The following CACTIN variants were observed in gnomAD, a reference collection of about 807,000 sequenced individuals.
The protein encoded by CACTIN is splicing factor Cactin.
Under a neutral mutation model 84.9 loss-of-function variants are expected in CACTIN, and 20 were observed. The ratio of observed to expected loss-of-function variants is 0.24; its 90% CI spans 0.17 to 0.34. The LOEUF is 0.34. Ranked by LOEUF, CACTIN falls within the 10% of genes least tolerant of loss-of-function variation. The probability of loss-of-function intolerance (pLI) is 1.00; values close to 1 mark genes in which losing one functional copy is unlikely to be tolerated. For synonymous variants in CACTIN, 549 were observed against 467.9 expected (o/e 1.17, Z -2.24); for missense variants, 897 against 1,117.2 (o/e 0.80, Z 2.81).
Position 3,612,025 on chromosome 19 carries a change from G to A in CACTIN, c.2175C>T (p.Asn725=). Residue 725 remains asparagine (N), a synonymous_variant, in exon 10 of 10, where the codon AAC becomes AAT. Coordinates refer to ENST00000429344, the MANE Select transcript of CACTIN (RefSeq NM_001080543.2). ...PYEDIAFKIV[N]REWEYSHRHG... The stretch of plus-strand genomic sequence containing the variant: ...GGCGGTGCGAGTATTCCCACTCGCG[G>A]TTGACGATCTTGAAAGCGATGTCCT... 6.2e-7 allele frequency: 1 copy of A among 1,613,746 alleles called. No homozygotes were observed. Among genetic ancestry groups the A allele is most frequent in the East Asian group, 2.2e-5 (1 of 44,894 alleles).
In CACTIN at chr19:3,620,599, C is replaced by G. The variant is rs980975698; in HGVS notation, c.738+108G>C. Reference sequence around the variant, plus strand: ...CCCCTGGATCCAGCCTTACCTGAAGCCAGCCCCCAGGACTTCCCACTTAAG... The same window carrying G: ...CCCCTGGATCCAGCCTTACCTGAAGGCAGCCCCCAGGACTTCCCACTTAAG... On this transcript the variant is annotated intron_variant, in intron 3 of 9. Transcript: ENST00000429344. 2.9e-5 allele frequency: 25 copies of G among 849,056 alleles called. No homozygotes were observed. The Admixed American group carries it at 6.9e-4, about 23-fold the overall frequency. The allele number at this position is 849,056 out of a possible 1,614,324, so 52.6% of individuals were successfully genotyped here. A position where few individuals can be genotyped will look rare whatever the true frequency, so the allele number is the denominator to read the frequency against.
chr19:3,612,942 G>A (rs972733450), intron 9 of CACTIN, 116 bp downstream of exon 9: 18 of 1,249,736 alleles, frequency 1.4e-5, no homozygotes, highest in Admixed American at 2.0e-5. Context: ...CGGGGGAGAA[G>A]CAGCAAGCAG....
intron 2 of CACTIN, among the ~76,000 whole-genome samples, chr19:3,621,193 C>G (rs771358787): frequency 6.6e-6 from 1 of 152,254 alleles, no homozygotes; most frequent in Non-Finnish European, 1.5e-5. Flanking sequence ...GTGAAGGCCA[C>G]GCCCTCAGCA....
chr19:3,623,186 G>C (rs1599894746), intron 2 of CACTIN, among the ~76,000 whole-genome samples: 1 of 152,134 alleles, frequency 6.6e-6, no homozygotes, highest in Admixed American at 6.6e-5. Flanking sequence ...AGTTAGCCAC[G>C]ATCACGCCAC....
intron 6 of CACTIN, 184 bp from the exon 7 acceptor site, chr19:3,614,773 A>C (rs916817095): frequency 1.6e-6 from 1 of 614,564 alleles, no homozygotes; most frequent in Non-Finnish European, 2.9e-6. Context: ...AGCGGAGGGG[A>C]GGGGGTGGGC....
chr19:3,624,819 CAG>C (rs1267074755), intron 1 of CACTIN, among the ~76,000 whole-genome samples: 1 of 152,092 alleles, frequency 6.6e-6, no homozygotes, highest in African/African-American at 2.4e-5. Context: ...TGCACAACCT[CAG>C]GGGTGGTTCA....
Position 3,623,749 on chromosome 19 carries a change from T to C in CACTIN, c.581A>G (p.Tyr194Cys). ...TCCGAAGGGGTTGTCGGTGTTGGTG[T>C]AGCCCATGTACTCCTCACCCCAGCC... Reference protein sequence around the residue: ...KMGWGEEYMGYTNTDNPFGDN... With the variant: ...KMGWGEEYMGCTNTDNPFGDN... The change falls in exon 2 of 10, where the codon TAC (tyrosine) becomes TGC (cysteine). Residue 194 changes from tyrosine (Y) to cysteine (C), a missense_variant. Tyr to Cys is a radical substitution (Grantham distance 194). Transcript: ENST00000429344. The C allele has an allele frequency of 6.2e-7, 1 of 1,613,870 alleles. No individual in the cohort carries two copies. Among genetic ancestry groups the C allele is most frequent in the Non-Finnish European group, 8.5e-7 (1 of 1,179,850 alleles).
At position 3,611,239 on chromosome 19, in the gene CACTIN, G is replaced by A. The variant is rs937908581; in HGVS notation, c.*684C>T. 2.3e-6 allele frequency: 1 copy of A among 442,398 alleles called. No individual in the cohort carries two copies. The highest frequency in any genetic ancestry group is 1.6e-5 in the South Asian group (1 of 62,888). The allele number at this position is 442,398 out of a possible 1,614,324, so 27.4% of individuals were successfully genotyped here. A position where few individuals can be genotyped will look rare whatever the true frequency, so the allele number is the denominator to read the frequency against. ...ACGCATCCTCCATACCCGCTGCGGG[G>A]AAATGGACCCCACCAGCCAGCACGG... is the stretch of plus-strand genomic sequence containing the variant. On this transcript the variant is annotated 3_prime_UTR_variant, in exon 10 of 10. Transcript: ENST00000429344.
chr19:3,622,036 T>C (rs7251533), intron 2 of CACTIN, among the ~76,000 whole-genome samples: 5,367 of 152,098 alleles, frequency 0.035, 230 homozygotes, highest in African/African-American at 0.1. Context: ...CACATCCCCG[T>C]CTGAACCCCT....
At chr19:3,622,195 GT>G (rs1043222604) in intron 2 of CACTIN, among the ~76,000 whole-genome samples, 6 of 151,756 alleles carry the variant, frequency 4.0e-5, no homozygotes, top group Non-Finnish European at 8.8e-5. Context: ...GTTAAACTCT[GT>G]CTACTAAAAA....
intron 9 of CACTIN, 82 bp downstream of exon 9, chr19:3,612,976 C>G: frequency 3.4e-6 from 5 of 1,479,696 alleles, no homozygotes; most frequent in Non-Finnish European, 4.5e-6. Flanking sequence ...CCAGCGGCTT[C>G]GGCCGGGAAA....
At chr19:3,621,162 G>A (rs1160091201) in intron 2 of CACTIN, 19 of 396,274 alleles carry the variant, frequency 4.8e-5, no homozygotes, top group Non-Finnish European at 8.1e-5. Flanking sequence ...CGCTTTACCC[G>A]GGAGTCTGAG....
rs1370602325 is a variant in CACTIN at position 3,618,837 on chromosome 19, G to A, written c.1162+38C>T. On this transcript the variant is annotated intron_variant, in intron 6 of 9. Transcript: ENST00000429344. The stretch of plus-strand genomic sequence containing the variant: ...CTTCTGGGTGAACACTGTAGCCCCC[G>A]CAGCTCCCCTGGAGCCCAGGCCCAT... The A allele has an allele frequency of 9.5e-6, 14 of 1,466,382 alleles. No homozygotes were observed. In the African/African-American group the frequency reaches 9.8e-5, roughly 10 times the overall value. The allele number at this position is 1,466,382 out of a possible 1,614,324, so 90.8% of individuals were successfully genotyped here. A position where few individuals can be genotyped will look rare whatever the true frequency, so the allele number is the denominator to read the frequency against.
rs774227634 is a variant in CACTIN at position 3,620,203 on chromosome 19, G to A, written c.808C>T (p.Arg270Cys). 5 of 1,609,144 alleles carry A rather than the reference G, an allele frequency of 3.1e-6. No individual in the cohort carries two copies. The highest frequency in any genetic ancestry group is 3.3e-5 in the Admixed American group (2 of 59,760). The change falls in exon 4 of 10, where the codon CGC (arginine) becomes TGC (cysteine). Residue 270 changes from arginine (R) to cysteine (C), a missense_variant. By Grantham distance (180) the Arg-to-Cys change is radical. Coordinates refer to ENST00000429344, the MANE Select transcript of CACTIN (RefSeq NM_001080543.2). Reference protein sequence around the residue: ...MREQELEMLQREKEAEHFKTW... With the variant: ...MREQELEMLQCEKEAEHFKTW... ...TTGAAGTGCTCTGCCTCCTTCTCGC[G>A]CTGCAGCATCTCCAGCTCCTGCTCG...
chr19:3,626,575 C>A (rs781471525), intron 1 of CACTIN, 21 bp downstream of exon 1: 6 of 1,415,496 alleles, frequency 4.2e-6, no homozygotes, highest in Non-Finnish European at 5.5e-6. Flanking sequence ...ATCCCCAGCG[C>A]TGCTCCCGCA....
chr19:3,613,957 C>A (rs140319021), intron 7 of CACTIN: 156 of 411,088 alleles, frequency 3.8e-4, no homozygotes, highest in African/African-American at 2.9e-3. Context: ...ATTTACACAG[C>A]GGTGCCAAAA....
rs373966903 is a variant in CACTIN, at chr19:3,618,904, C to T, written c.1133G>A (p.Arg378His). 54 of 1,555,364 alleles carry T rather than the reference C, an allele frequency of 3.5e-5. No homozygotes were observed. Among genetic ancestry groups the T allele is most frequent in the Middle Eastern group, 1.7e-4 (1 of 6,020 alleles). ...TITEDEISKL[R>H]KLEASGKGPG... The stretch of plus-strand genomic sequence containing the variant: ...CCCCTTGCCCGAGGCCTCCAGCTTG[C>T]GGAGCTTGGAGATCTCGTCCTCGGT... The change falls in exon 6 of 10, where the codon CGC (arginine) becomes CAC (histidine). Residue 378 changes from arginine to histidine, a missense_variant. This residue lies in a region of CACTIN where 304 missense variants were observed against 444.3 expected (regional missense o/e 0.68). Coordinates refer to ENST00000429344, the MANE Select transcript of CACTIN (RefSeq NM_001080543.2).
intron 1 of CACTIN, 79 bp from the exon 2 acceptor site, chr19:3,624,241 G>T (rs2033289137): frequency 7.7e-7 from 1 of 1,297,320 alleles, no homozygotes; most frequent in Non-Finnish European, 1.1e-6. Context: ...GTGCCCGTGG[G>T]GGAGCAGGCA....
At position 3,611,191 on chromosome 19, in the gene CACTIN, C is replaced by A; in HGVS notation, c.*732G>T. On this transcript the variant is annotated 3_prime_UTR_variant, in exon 10 of 10. Coordinates refer to ENST00000429344, the MANE Select transcript of CACTIN (RefSeq NM_001080543.2). ...GCTCAGTGACTTTTGGTTCCCACGA[C>A]CTTGACAGAGACAGGGACCTCGACG... is the stretch of plus-strand genomic sequence containing the variant. The A allele has an allele frequency of 4.8e-6, 2 of 414,074 alleles. No individual in the cohort carries two copies. The highest frequency in any genetic ancestry group is 9.8e-6 in the Non-Finnish European group (2 of 204,938). 25.6% of individuals were successfully genotyped at this position (414,074 alleles called of 1,614,324 possible).
Sources: allele counts gnomAD v4.1 joint callset (sites outside exome capture counted in the v4.1 genomes callset), GRCh38; gene constraint gnomAD v4.1.1; regional missense constraint gnomAD v4.1.1; transcripts MANE v1.5; gene names NCBI Gene and HGNC (gene_info 2026-07-23, HGNC 2026-07-21).